DGKB: variants seen among roughly 807,000 people sequenced by gnomAD.
DGKB encodes diacylglycerol kinase beta.
In DGKB, 67 loss-of-function variants were observed where a neutral mutation model predicts 114.3. That is an observed-to-expected ratio of 0.59 (90% CI 0.48 to 0.72). The LOEUF (loss-of-function observed/expected upper bound fraction) is 0.72. Among genes scored for constraint, DGKB ranks in the 30% least tolerant of loss-of-function variants. The pLI is 0.00. For synonymous variants in DGKB, 398 were observed against 323.1 expected (o/e 1.23, Z -2.49); for missense variants, 907 against 975.2 (o/e 0.93, Z 0.93).
chr7:14,794,187 A>G (rs1841081684), intron 2 of DGKB, among the ~76,000 whole-genome samples: 1 of 152,126 alleles, frequency 6.6e-6, no homozygotes, highest in Non-Finnish European at 1.5e-5. Context: ...CAGATTTTGG[A>G]ACCAAGAGTG....
chr7:14,353,467 G>A (rs1268726704), intron 21 of DGKB, among the ~76,000 whole-genome samples: 1 of 152,106 alleles, frequency 6.6e-6, no homozygotes. Flanking sequence ...AATAACTGGA[G>A]ATGAAGCAGC....
intron 21 of DGKB, among the ~76,000 whole-genome samples, chr7:14,370,853 G>C (rs1261450699): frequency 6.6e-6 from 1 of 152,026 alleles, no homozygotes; most frequent in Non-Finnish European, 1.5e-5. Flanking sequence ...AATGTCTATT[G>C]TTGCCATGTT....
intron 25 of DGKB, among the ~76,000 whole-genome samples, chr7:14,154,369 T>A (rs1782665084): frequency 6.6e-6 from 1 of 152,006 alleles, no homozygotes; most frequent in African/African-American, 2.4e-5. Flanking sequence ...AATTATTATA[T>A]ACTTCTCAGA....
At chr7:14,571,839 A>G (rs2128704321) in intron 20 of DGKB, among the ~76,000 whole-genome samples, 1 of 152,296 alleles carries the variant, frequency 6.6e-6, no homozygotes, top group South Asian at 2.1e-4. Context: ...ATTTTGACAC[A>G]GGGGTGATCT....
intron 20 of DGKB, among the ~76,000 whole-genome samples, chr7:14,537,874 A>G (rs1792772621): frequency 6.6e-6 from 1 of 152,178 alleles, no homozygotes; most frequent in Non-Finnish European, 1.5e-5. Flanking sequence ...TGAGGTTGGA[A>G]GTTTGAGACC....
chr7:14,800,927 T>C (rs961680602), intron 2 of DGKB, among the ~76,000 whole-genome samples: 8 of 151,996 alleles, frequency 5.3e-5, no homozygotes, highest in Admixed American at 2.6e-4. Context: ...CCAGTTGAGG[T>C]ACATGTTGAA....
intron 1 of DGKB, among the ~76,000 whole-genome samples, chr7:14,972,361 T>C (rs534222952): frequency 3.9e-5 from 6 of 152,130 alleles, no homozygotes; most frequent in South Asian, 2.1e-4. Flanking sequence ...CTAACAGAGA[T>C]TATGCTTCTC....
At chr7:14,258,684 A>T (rs1182726028) in intron 23 of DGKB, among the ~76,000 whole-genome samples, 1 of 152,248 alleles carries the variant, frequency 6.6e-6, no homozygotes, top group South Asian at 2.1e-4. Flanking sequence ...AATACGCATA[A>T]GCACAATCAA....
intron 23 of DGKB, among the ~76,000 whole-genome samples, chr7:14,227,603 GGA>G (rs1791015435): frequency 6.6e-6 from 1 of 151,998 alleles, no homozygotes; most frequent in Admixed American, 6.6e-5. Context: ...GAAGAAGGAA[GGA>G]GGGAGGCAGA....
At chr7:14,264,735 C>T (rs1303797668) in intron 23 of DGKB, among the ~76,000 whole-genome samples, 1 of 152,078 alleles carries the variant, frequency 6.6e-6, no homozygotes, top group African/African-American at 2.4e-5. Flanking sequence ...TAGGTGGCAG[C>T]TATGTAGATG....
At chr7:14,865,848 A>G (rs1434429164) in intron 1 of DGKB, among the ~76,000 whole-genome samples, 1 of 152,204 alleles carries the variant, frequency 6.6e-6, no homozygotes, top group East Asian at 1.9e-4. Context: ...GTTGAGGGAT[A>G]GAGGACTTTG....
At chr7:14,700,367 C>T (rs969723667) in intron 7 of DGKB, among the ~76,000 whole-genome samples, 1 of 152,040 alleles carries the variant, frequency 6.6e-6, no homozygotes, top group Non-Finnish European at 1.5e-5. Flanking sequence ...GTGCCCACTA[C>T]CACGCCTCGA....
intron 23 of DGKB, among the ~76,000 whole-genome samples, chr7:14,197,437 T>C (rs915922853): frequency 5.9e-5 from 9 of 152,024 alleles, no homozygotes; most frequent in Non-Finnish European, 1.2e-4. Flanking sequence ...TCAAATTTGA[T>C]TGCTGCAGCT....
chr7:14,402,802 A>C (rs1253545646), intron 21 of DGKB, among the ~76,000 whole-genome samples: 2 of 151,880 alleles, frequency 1.3e-5, no homozygotes, highest in Non-Finnish European at 2.9e-5. Flanking sequence ...TAAAGCAGAT[A>C]ATCCTCCCTA....
intron 20 of DGKB, among the ~76,000 whole-genome samples, chr7:14,537,664 AAAC>A (rs1454021588): frequency 6.6e-6 from 1 of 152,238 alleles, no homozygotes; most frequent in Non-Finnish European, 1.5e-5. Flanking sequence ...GCACAATTTG[AAAC>A]AACAACAACA....
chr7:14,686,636 C>T (rs1301344070), intron 9 of DGKB, among the ~76,000 whole-genome samples: 1 of 152,112 alleles, frequency 6.6e-6, no homozygotes, highest in Non-Finnish European at 1.5e-5. Context: ...AATAATGCTC[C>T]TAACTACCTT....
chr7:14,593,322 A>C (rs1802003091), intron 17 of DGKB, among the ~76,000 whole-genome samples: 1 of 152,078 alleles, frequency 6.6e-6, no homozygotes, highest in African/African-American at 2.4e-5. Context: ...TATCTCATTA[A>C]ATAACTTTAA....
chr7:14,851,188 T>C (rs1849298196), intron 1 of DGKB, among the ~76,000 whole-genome samples: 1 of 152,174 alleles, frequency 6.6e-6, no homozygotes, highest in African/African-American at 2.4e-5. Flanking sequence ...TGGCTTAATA[T>C]AAAATTCATA....
In DGKB at chr7:14,558,483, C is replaced by T. The variant is rs144180841; in HGVS notation, c.1770+15729G>A. 3.9e-3 allele frequency among the ~76,000 whole-genome samples: 599 copies of T among 151,796 alleles called. 5 individuals are homozygous for T. Among genetic ancestry groups the T allele is most frequent in the African/African-American group, 0.014 (580 of 41,364 alleles). On this transcript the variant is annotated intron_variant, in intron 20 of 25. Coordinates refer to ENST00000402815, the MANE Select transcript of DGKB (RefSeq NM_001350709.2). The stretch of plus-strand genomic sequence containing the variant: ...TTAAGATTTTTAGACCAACTTTTTG[C>T]GTACTTGTAATATGACTGAATTATA...
Sources: allele counts gnomAD v4.1 joint callset (sites outside exome capture counted in the v4.1 genomes callset), GRCh38; gene constraint gnomAD v4.1.1; transcripts MANE v1.5; gene names NCBI Gene and HGNC (gene_info 2026-07-23, HGNC 2026-07-21).